NKAIN3: variants seen among roughly 807,000 people sequenced by gnomAD.
The protein encoded by NKAIN3 is sodium/potassium transporting ATPase interacting 3, also known as sodium/potassium-transporting ATPase subunit beta-1-interacting protein 3.
A neutral mutation model predicts 30.2 loss-of-function variants in NKAIN3; 25 were observed. The observed-to-expected ratio is 0.83, with a 90% CI of 0.60 to 1.16. The LOEUF (loss-of-function observed/expected upper bound fraction) is 1.16, where lower values mean the gene tolerates loss of function less well. Among genes scored for constraint, NKAIN3 ranks in the 50% most tolerant of loss-of-function variants. The pLI, the probability that NKAIN3 is intolerant of heterozygous loss-of-function variation, is 0.00. For missense variants in NKAIN3, 225 were observed against 254.1 expected (o/e 0.89, Z 0.78); for synonymous variants, 91 against 89.6 (o/e 1.02, Z -0.09).
chr8:62,506,228 T>TTGGG (rs1807630934), intron 1 of NKAIN3, among the ~76,000 whole-genome samples: 2 of 129,136 alleles, frequency 1.5e-5, no homozygotes, highest in African/African-American at 5.6e-5. Flanking sequence ...ATGAGAATAT[T>TTGGG]GGGGGGGGGG....
At chr8:62,310,516 G>T (rs182981548) in intron 1 of NKAIN3, among the ~76,000 whole-genome samples, 1 of 150,520 alleles carries the variant, frequency 6.6e-6, no homozygotes, top group Non-Finnish European at 1.5e-5. Flanking sequence ...TAACGTAAAT[G>T]TTCCTACCCT....
chr8:62,446,197 A>C (rs1805480585), intron 1 of NKAIN3, among the ~76,000 whole-genome samples: 2 of 152,158 alleles, frequency 1.3e-5, no homozygotes, highest in South Asian at 4.1e-4. Flanking sequence ...ATTGAAGTTT[A>C]TGTGGAGTGG....
intron 1 of NKAIN3, among the ~76,000 whole-genome samples, chr8:62,397,724 CA>C (rs148836675): frequency 7.9e-5 from 12 of 152,266 alleles, no homozygotes; most frequent in Non-Finnish European, 1.5e-4. Context: ...TTTACATTCA[CA>C]TCATTGCCCT....
At chr8:62,843,114 A>G (rs1174740342) in intron 4 of NKAIN3, among the ~76,000 whole-genome samples, 3 of 151,910 alleles carry the variant, frequency 2.0e-5, no homozygotes, top group African/African-American at 7.2e-5. Flanking sequence ...CAAGTGGAAG[A>G]GAGAGGCAGT....
At chr8:62,361,474 G>A (rs1816560484) in intron 1 of NKAIN3, among the ~76,000 whole-genome samples, 1 of 152,216 alleles carries the variant, frequency 6.6e-6, no homozygotes, top group South Asian at 2.1e-4. Flanking sequence ...TTAAAAGAAT[G>A]AATGAATGAA....
At chr8:62,506,476 C>CTTTCTTTCT (rs71559373) in intron 1 of NKAIN3, among the ~76,000 whole-genome samples, 8 of 98,450 alleles carry the variant, frequency 8.1e-5, no homozygotes, top group African/African-American at 1.6e-4. Flanking sequence ...TTCTTTCTTT[C>CTTTCTTTCT]TTTTTTTTTT....
chr8:62,541,977 A>G, intron 1 of NKAIN3, among the ~76,000 whole-genome samples: 1 of 152,128 alleles, frequency 6.6e-6, no homozygotes, highest in East Asian at 1.9e-4. Context: ...CATTCATGTG[A>G]GTGGGGCTTG....
At chr8:62,526,835 G>T (rs73683324) in intron 1 of NKAIN3, among the ~76,000 whole-genome samples, 3 of 151,996 alleles carry the variant, frequency 2.0e-5, no homozygotes, top group African/African-American at 7.2e-5. Flanking sequence ...TTTGGTTAAG[G>T]CTTAGCCCGC....
At chr8:62,584,436 A>G (rs1810407655) in intron 2 of NKAIN3, among the ~76,000 whole-genome samples, 1 of 152,210 alleles carries the variant, frequency 6.6e-6, no homozygotes, top group Admixed American at 6.5e-5. Flanking sequence ...GTAATTGATC[A>G]CCTTTATGAA....
chr8:62,291,747 T>A lies in NKAIN3; in HGVS notation c.54+42620T>A, dbSNP rs59600987. Among the ~76,000 whole-genome samples, 1,387 of 152,328 alleles carry A rather than the reference T, an allele frequency of 9.1e-3. 29 individuals carry two copies. Among genetic ancestry groups the A allele is most frequent in the African/African-American group, 0.031 (1,306 of 41,564 alleles). ...GGGTGGAGAGTTCTGTAGATGTCTA[T>A]TAGGTCTGCATGGTGCAGAGCTGAG... On this transcript the variant is annotated intron_variant, in intron 1 of 6. Coordinates refer to ENST00000623646, the MANE Select transcript of NKAIN3 (RefSeq NM_001304533.3).
At chr8:62,768,677 C>G (rs541530798) in intron 4 of NKAIN3, among the ~76,000 whole-genome samples, 1 of 152,146 alleles carries the variant, frequency 6.6e-6, no homozygotes, top group Non-Finnish European at 1.5e-5. Flanking sequence ...TCCAACATAA[C>G]CTACTCCAAC....
chr8:62,885,736 G>A (rs1020036470), intron 4 of NKAIN3, among the ~76,000 whole-genome samples: 3 of 151,982 alleles, frequency 2.0e-5, no homozygotes, highest in African/African-American at 2.4e-5. Context: ...ATGTAATGTC[G>A]AACTTTATCC....
chr8:62,770,527 G>A (rs972239257), intron 4 of NKAIN3, among the ~76,000 whole-genome samples: 9 of 152,126 alleles, frequency 5.9e-5, no homozygotes, highest in Non-Finnish European at 1.3e-4. Flanking sequence ...TCATCACATG[G>A]TAGAGACAGA....
At chr8:62,430,676 G>A (rs1050206928) in intron 1 of NKAIN3, among the ~76,000 whole-genome samples, 2 of 151,700 alleles carry the variant, frequency 1.3e-5, no homozygotes, top group African/African-American at 4.8e-5. Context: ...AAGTGAGGGG[G>A]TAGATGTTAA....
intron 1 of NKAIN3, among the ~76,000 whole-genome samples, chr8:62,315,302 C>A (rs1203768007): frequency 6.6e-6 from 1 of 152,066 alleles, no homozygotes; most frequent in South Asian, 2.1e-4. Context: ...AACATAATGC[C>A]CTGTGAAATA....
chr8:62,575,098 A>T (rs961330593), intron 1 of NKAIN3, among the ~76,000 whole-genome samples: 2 of 152,168 alleles, frequency 1.3e-5, no homozygotes, highest in African/African-American at 4.8e-5. Flanking sequence ...GTTATTCAGC[A>T]TAGTACCAGA....
intron 4 of NKAIN3, among the ~76,000 whole-genome samples, chr8:62,759,875 C>T (rs1033885251): frequency 2.0e-5 from 3 of 152,086 alleles, no homozygotes; most frequent in East Asian, 1.9e-4. Context: ...TCATCTGACA[C>T]AGGGCTGATA....
chr8:62,802,287 C>T lies in NKAIN3; in HGVS notation c.471+55158C>T, dbSNP rs1453926966. 1.1e-4 allele frequency among the ~76,000 whole-genome samples: 16 copies of T among 152,024 alleles called. No homozygotes were observed. The East Asian group carries it at 1.5e-3, about 15-fold the overall frequency. ...CAGAGAACGCCACAAAGATACTCCT[C>T]GAGAAGAGCAACTCCAAGACACGTA... On this transcript the variant is annotated intron_variant, in intron 4 of 6. Coordinates refer to ENST00000623646, the MANE Select transcript of NKAIN3 (RefSeq NM_001304533.3).
intron 1 of NKAIN3, among the ~76,000 whole-genome samples, chr8:62,564,638 A>G (rs2129992218): frequency 6.6e-6 from 1 of 152,294 alleles, no homozygotes; most frequent in East Asian, 1.9e-4. Flanking sequence ...TCAATTCAGT[A>G]GGTCTAGGCC....
Sources: allele counts gnomAD v4.1 joint callset (sites outside exome capture counted in the v4.1 genomes callset), GRCh38; gene constraint gnomAD v4.1.1; transcripts MANE v1.5; gene names NCBI Gene and HGNC (gene_info 2026-07-23, HGNC 2026-07-21).